FREM2: variants seen among roughly 807,000 people sequenced by gnomAD.
FREM2 encodes the protein FRAS1-related extracellular matrix protein 2.
FREM2 carries 119 observed loss-of-function variants against 219.9 expected under a neutral mutation model. The observed-to-expected ratio is 0.54, with a 90% CI of 0.47 to 0.63. The LOEUF (loss-of-function observed/expected upper bound fraction) is 0.63. Among genes scored for constraint, FREM2 ranks in the 30% least tolerant of loss-of-function variants. FREM2 has a pLI of 0.00. For missense variants in FREM2, 4,030 were observed against 3,993.6 expected (o/e 1.01, Z -0.25); for synonymous variants, 1,562 against 1,522.8 (o/e 1.03, Z -0.60).
chr13:38,846,832 G>C, intron 7 of FREM2, 110 bp downstream of exon 7: 2 of 1,261,724 alleles, frequency 1.6e-6, no homozygotes, highest in Non-Finnish European at 2.3e-6. Context: ...AGTTGGCTGG[G>C]TATATTGTTT....
Position 38,690,639 on chromosome 13 carries a change from A to T in FREM2, c.3295A>T (p.Asn1099Tyr), listed in dbSNP as rs1224469643. 1 of 1,613,688 alleles carries T rather than the reference A, an allele frequency of 6.2e-7. No homozygotes were observed. The highest frequency in any genetic ancestry group is 1.1e-5 in the South Asian group (1 of 91,088). ...AAGTGCTGAAGATGTCGACTCCCTG[A>T]ATGATGACATCTTGTGCACTATAGT... Reference protein sequence around the residue: ...HISAEDVDSLNDDILCTIVIQ... With the variant: ...HISAEDVDSLYDDILCTIVIQ... Residue 1099 changes from asparagine (N) to tyrosine (Y), a missense_variant, in exon 1 of 24, where the codon AAT becomes TAT. Physicochemically the swap from Asn to Tyr is moderately radical, Grantham distance 143. Transcript: ENST00000280481.
Position 38,688,504 on chromosome 13 carries a change from A to T in FREM2, c.1160A>T (p.Asp387Val). The T allele has an allele frequency of 1.9e-6, 3 of 1,613,886 alleles. No homozygotes were observed. Among genetic ancestry groups the T allele is most frequent in the Non-Finnish European group, 2.5e-6 (3 of 1,179,968 alleles). Residue 387 changes from aspartate to valine, a missense_variant, in exon 1 of 24, where the codon GAT becomes GTT. Physicochemically the swap from Asp to Val is radical, Grantham distance 152. This residue lies in a region of FREM2 where 3,102 missense variants were observed against 2,950.7 expected (regional missense o/e 1.05). Transcript: ENST00000280481. ...CCCCTTTCCTCCTTCACTCAGAGGGATCTGCGGCTCCTGAAGATTGCCTAC... is the reference window on the plus strand; with the variant it reads ...CCCCTTTCCTCCTTCACTCAGAGGGTTCTGCGGCTCCTGAAGATTGCCTAC... ...SLPLSSFTQR[D>V]LRLLKIAYQP...
rs763577595 is a variant in FREM2 at position 38,783,062 on chromosome 13, C to G, written c.5642-8C>G. The G allele has an allele frequency of 6.2e-7, 1 of 1,613,206 alleles. No individual in the cohort carries two copies. The highest frequency in any genetic ancestry group is 1.1e-5 in the South Asian group (1 of 91,044). On this transcript the variant is annotated splice_polypyrimidine_tract_variant and splice_region_variant and intron_variant, in intron 4 of 23. Transcript: ENST00000280481. ...AAAATAATGCTTGCAATTGTGTTTTCTCTCTAGAGCCAACTGTGTTTATTC... is the reference window on the plus strand; with the variant it reads ...AAAATAATGCTTGCAATTGTGTTTTGTCTCTAGAGCCAACTGTGTTTATTC...
At chr13:38,696,106 C>T (rs757513219) in intron 1 of FREM2, among the ~76,000 whole-genome samples, 36 of 152,006 alleles carry the variant, frequency 2.4e-4, no homozygotes, top group African/African-American at 3.6e-4. Context: ...CCAGCCTGGG[C>T]GACATAGTGA....
At chr13:38,853,156 C>T (rs148360327) in intron 11 of FREM2, among the ~76,000 whole-genome samples, 4,901 of 151,580 alleles carry the variant, frequency 0.032, 120 homozygotes, top group Middle Eastern at 0.078. Context: ...GGCAAAACCC[C>T]GTCTCTACTA....
At chr13:38,818,642 T>C (rs1000311954) in intron 6 of FREM2, among the ~76,000 whole-genome samples, 1 of 152,084 alleles carries the variant, frequency 6.6e-6, no homozygotes, top group Non-Finnish European at 1.5e-5. Flanking sequence ...GTAGTGTGAC[T>C]ATGGTTAACA....
Position 38,850,024 on chromosome 13 carries a change from C to G in FREM2, c.6380-14C>G, listed in dbSNP as rs749574072. 8.7e-6 allele frequency: 14 copies of G among 1,609,742 alleles called. No individual in the cohort carries two copies. The highest frequency in any genetic ancestry group is 1.2e-5 in the Non-Finnish European group (14 of 1,176,376). On this transcript the variant is annotated splice_polypyrimidine_tract_variant and intron_variant, in intron 8 of 23. Coordinates refer to ENST00000280481, the MANE Select transcript of FREM2 (RefSeq NM_207361.6). ...AAGGAAATTTCTGTTCACTTTAATC[C>G]TTTGTTTTTGCAGTGCCTAAGATGC...
At chr13:38,835,927 C>T (rs1344496624) in intron 6 of FREM2, among the ~76,000 whole-genome samples, 1 of 152,106 alleles carries the variant, frequency 6.6e-6, no homozygotes, top group Admixed American at 6.5e-5. Context: ...TATATGAATA[C>T]CTTTATTTCT....
At chr13:38,780,616 T>C (rs147621529) in intron 4 of FREM2, among the ~76,000 whole-genome samples, 22 of 152,320 alleles carry the variant, frequency 1.4e-4, no homozygotes, top group Non-Finnish European at 2.8e-4. Flanking sequence ...AGAGATTGAA[T>C]GTAAAAAGCC....
chr13:38,744,700 C>G (rs533513997), intron 2 of FREM2, among the ~76,000 whole-genome samples: 1 of 152,190 alleles, frequency 6.6e-6, no homozygotes, highest in South Asian at 2.1e-4. Flanking sequence ...CCATGTTGGC[C>G]AGGCTGGTCT....
intron 2 of FREM2, among the ~76,000 whole-genome samples, chr13:38,742,055 A>G (rs1276572743): frequency 2.0e-5 from 3 of 152,230 alleles, no homozygotes; most frequent in African/African-American, 7.2e-5. Context: ...CATCTAAATT[A>G]CAATAATAAT....
intron 23 of FREM2, 43 bp from the exon 24 acceptor site, chr13:38,880,241 A>C: frequency 6.3e-7 from 1 of 1,589,504 alleles, no homozygotes; most frequent in South Asian, 1.1e-5. Context: ...TTAGATTGAC[A>C]TGGTATCTAG....
chr13:38,803,607 T>C lies in FREM2; in HGVS notation c.6019+18799T>C, dbSNP rs1875105679. ...AGTATTAAGTCAGTGTTAACAATAT[T>C]TCACTAATCTTTACTGTCAGTCTTA... On this transcript the variant is annotated intron_variant, in intron 6 of 23. Transcript: ENST00000280481. Among the ~76,000 whole-genome samples, 3 of 151,920 alleles carry C rather than the reference T, an allele frequency of 2.0e-5. No homozygotes were observed. The South Asian group carries it at 6.3e-4, about 32-fold the overall frequency.
chr13:38,744,491 A>G (rs920218799), intron 2 of FREM2, among the ~76,000 whole-genome samples: 64 of 151,660 alleles, frequency 4.2e-4, no homozygotes, highest in African/African-American at 1.5e-3. Context: ...TTATTTTATT[A>G]TTATTATTAT....
chr13:38,729,440 A>G (rs1192718848), intron 2 of FREM2, among the ~76,000 whole-genome samples: 1 of 152,158 alleles, frequency 6.6e-6, no homozygotes, highest in Non-Finnish European at 1.5e-5. Flanking sequence ...CTAGCATATG[A>G]TCTTCATTAT....
intron 17 of FREM2, among the ~76,000 whole-genome samples, chr13:38,873,467 ATC>A (rs1461845894): frequency 6.6e-6 from 1 of 152,190 alleles, no homozygotes; most frequent in Non-Finnish European, 1.5e-5. Flanking sequence ...AACTTCTAAT[ATC>A]TCTTTCTGAT....
rs118101672 is a variant in FREM2, at chr13:38,786,434, C to A, written c.6019+1626C>A. On this transcript the variant is annotated intron_variant, in intron 6 of 23. Transcript: ENST00000280481. ...GCTGCTCTAATATTTTTAACTGCTG[C>A]CTTAATTGATCAGTGTAATAAGAAG... Among the ~76,000 whole-genome samples, 1,053 of 152,062 alleles carry A rather than the reference C, an allele frequency of 6.9e-3. 7 individuals are homozygous for A. The highest frequency in any genetic ancestry group is 0.02 in the South Asian group (96 of 4,822).
At chr13:38,768,403 A>G (rs1277133971) in intron 3 of FREM2, among the ~76,000 whole-genome samples, 4 of 152,088 alleles carry the variant, frequency 2.6e-5, no homozygotes, top group Non-Finnish European at 5.9e-5. Context: ...CAGCCTCCCC[A>G]GTAGCAAGGA....
intron 6 of FREM2, among the ~76,000 whole-genome samples, chr13:38,817,863 T>A (rs188903144): frequency 1.2e-4 from 18 of 151,728 alleles, no homozygotes; most frequent in African/African-American, 4.3e-4. Context: ...AAAACAACAA[T>A]AACAATATTA....
Sources: allele counts gnomAD v4.1 joint callset (sites outside exome capture counted in the v4.1 genomes callset), GRCh38; gene constraint gnomAD v4.1.1; regional missense constraint gnomAD v4.1.1; transcripts MANE v1.5; gene names NCBI Gene and HGNC (gene_info 2026-07-23, HGNC 2026-07-21).